Variants in NLGN1 observed in about 807,000 individuals in gnomAD.
NLGN1 encodes neuroligin 1, also known as neuroligin-1.
A neutral mutation model predicts 65.5 loss-of-function variants in NLGN1; 12 were observed. That is an observed-to-expected ratio of 0.18 (90% CI 0.12 to 0.30). The LOEUF (loss-of-function observed/expected upper bound fraction) is 0.30. NLGN1 is among the 10% of genes least tolerant of loss of function. NLGN1 has a pLI of 1.00. For missense variants in NLGN1, 750 were observed against 1,007.1 expected (o/e 0.74, Z 3.46); for synonymous variants, 350 against 359.5 (o/e 0.97, Z 0.30).
intron 3 of NLGN1, among the ~76,000 whole-genome samples, chr3:173,613,345 G>A (rs1398255036): frequency 6.6e-6 from 1 of 152,116 alleles, no homozygotes; most frequent in Non-Finnish European, 1.5e-5. Flanking sequence ...CAATGTGATA[G>A]CTCCCTTTAC....
chr3:173,504,789 C>T (rs544794742), intron 2 of NLGN1, among the ~76,000 whole-genome samples: 20 of 152,166 alleles, frequency 1.3e-4, no homozygotes, highest in Admixed American at 9.8e-4. Context: ...CCATTGACCA[C>T]GTTCTCTTTC....
chr3:173,647,006 T>C (rs1758373822), intron 3 of NLGN1, among the ~76,000 whole-genome samples: 1 of 152,094 alleles, frequency 6.6e-6, no homozygotes, highest in Non-Finnish European at 1.5e-5. Context: ...AAATGCCAGG[T>C]TAACATTACT....
chr3:174,255,112 C>T (rs868374719), intron 4 of NLGN1, among the ~76,000 whole-genome samples: 9 of 151,912 alleles, frequency 5.9e-5, no homozygotes, highest in African/African-American at 2.2e-4. Context: ...GGTAGGATAG[C>T]TATGTTTGAA....
At chr3:174,267,147 C>T (rs1407825939) in intron 4 of NLGN1, among the ~76,000 whole-genome samples, 3 of 152,198 alleles carry the variant, frequency 2.0e-5, no homozygotes, top group Admixed American at 6.5e-5. Flanking sequence ...CTGTTTGTGT[C>T]GCTATAAAGG....
intron 3 of NLGN1, among the ~76,000 whole-genome samples, chr3:173,622,937 A>G (rs898166799): frequency 1.3e-5 from 2 of 152,154 alleles, no homozygotes; most frequent in African/African-American, 2.4e-5. Flanking sequence ...GAAGCTGCAC[A>G]TAGCCTTCCA....
intron 4 of NLGN1, among the ~76,000 whole-genome samples, chr3:174,077,899 A>C (rs548189102): frequency 6.6e-6 from 1 of 152,112 alleles, no homozygotes; most frequent in African/African-American, 2.4e-5. Context: ...GGCACATTTG[A>C]TCTTTATAGG....
At chr3:174,265,404 C>T (rs2152866093) in intron 4 of NLGN1, among the ~76,000 whole-genome samples, 1 of 152,254 alleles carries the variant, frequency 6.6e-6, no homozygotes, top group Non-Finnish European at 1.5e-5. Context: ...TTAAGCCGGT[C>T]CGAAAAGCAC....
At chr3:174,237,383 C>G (rs186897426) in intron 4 of NLGN1, among the ~76,000 whole-genome samples, 10 of 152,174 alleles carry the variant, frequency 6.6e-5, no homozygotes, top group Non-Finnish European at 1.3e-4. Flanking sequence ...TTATATCACA[C>G]TAATCCTTTA....
At chr3:173,615,955 T>TA (rs528856090) in intron 3 of NLGN1, among the ~76,000 whole-genome samples, 4 of 151,708 alleles carry the variant, frequency 2.6e-5, no homozygotes, top group Non-Finnish European at 5.9e-5. Context: ...GATACTGAGA[T>TA]AAAAAAAGGC....
chr3:173,623,384 A>G (rs1239736404), intron 3 of NLGN1, among the ~76,000 whole-genome samples: 1 of 152,090 alleles, frequency 6.6e-6, no homozygotes, highest in Admixed American at 6.6e-5. Context: ...TGGAGAGTTA[A>G]AAGGGAGGAG....
intron 3 of NLGN1, among the ~76,000 whole-genome samples, chr3:173,733,991 T>C (rs1773299873): frequency 6.6e-6 from 1 of 152,042 alleles, no homozygotes; most frequent in Admixed American, 6.6e-5. Flanking sequence ...TGACAAAAGA[T>C]ATAATATTAC....
At chr3:173,575,986 C>A (rs1745440569) in intron 2 of NLGN1, among the ~76,000 whole-genome samples, 1 of 151,966 alleles carries the variant, frequency 6.6e-6, no homozygotes, top group African/African-American at 2.4e-5. Context: ...TAGTCACTAG[C>A]CTTATGTGGC....
At chr3:173,637,058 A>G (rs1285626285) in intron 3 of NLGN1, among the ~76,000 whole-genome samples, 3 of 152,190 alleles carry the variant, frequency 2.0e-5, no homozygotes, top group South Asian at 2.1e-4. Context: ...CTTATAGTGA[A>G]TAAGATAAAT....
At chr3:174,237,298 T>C (rs1741894723) in intron 4 of NLGN1, among the ~76,000 whole-genome samples, 1 of 152,178 alleles carries the variant, frequency 6.6e-6, no homozygotes, top group Non-Finnish European at 1.5e-5. Flanking sequence ...TCTATTCCAA[T>C]ATTACATTTT....
At chr3:173,750,179 A>G (rs564626227) in intron 3 of NLGN1, among the ~76,000 whole-genome samples, 17 of 151,392 alleles carry the variant, frequency 1.1e-4, no homozygotes, top group Admixed American at 3.3e-4. Flanking sequence ...TATCTCCTTC[A>G]TATAGGCAGA....
chr3:173,800,390 C>T (rs1362813602), intron 3 of NLGN1: 5 of 824,100 alleles, frequency 6.1e-6, no homozygotes, highest in Non-Finnish European at 8.3e-6. Context: ...ATGACAAGGG[C>T]CTCAATCACT....
intron 4 of NLGN1, among the ~76,000 whole-genome samples, chr3:174,239,631 T>C (rs1253459648): frequency 6.6e-6 from 1 of 152,200 alleles, no homozygotes; most frequent in Non-Finnish European, 1.5e-5. Flanking sequence ...GATAAAACAA[T>C]AGTTATTATT....
intron 4 of NLGN1, among the ~76,000 whole-genome samples, chr3:174,027,268 C>T (rs1308454182): frequency 6.6e-6 from 1 of 152,122 alleles, no homozygotes; most frequent in African/African-American, 2.4e-5. Context: ...CAAAATTCAT[C>T]ATCTTGGACT....
chr3:174,078,300 T>G (rs888230282), intron 4 of NLGN1, among the ~76,000 whole-genome samples: 1 of 152,134 alleles, frequency 6.6e-6, no homozygotes, highest in Non-Finnish European at 1.5e-5. Context: ...ATTATGTCAA[T>G]GTAGTTCCCT....
Sources: allele counts gnomAD v4.1 joint callset (sites outside exome capture counted in the v4.1 genomes callset), GRCh38; gene constraint gnomAD v4.1.1; transcripts MANE v1.5; gene names NCBI Gene and HGNC (gene_info 2026-07-23, HGNC 2026-07-21).